The following CAPN15 variants were observed in gnomAD, a reference collection of about 807,000 sequenced individuals.
CAPN15 encodes the protein calpain-15.
A neutral mutation model predicts 97.9 loss-of-function variants in CAPN15; 53 were observed. The ratio of observed to expected loss-of-function variants is 0.54; its 90% confidence interval spans 0.43 to 0.68. The LOEUF (loss-of-function observed/expected upper bound fraction) is 0.68. CAPN15 is among the 30% of genes least tolerant of loss of function. CAPN15 has a pLI of 0.00. For synonymous variants in CAPN15, 922 were observed against 722.5 expected (o/e 1.28, Z -4.43); for missense variants, 1,592 against 1,589.8 (o/e 1.00, Z -0.02).
At chr16:528,462 G>A (rs1437371959) in intron 1 of CAPN15, among the ~76,000 whole-genome samples, 1 of 152,228 alleles carries the variant, frequency 6.6e-6, no homozygotes, top group Non-Finnish European at 1.5e-5. Context: ...CTCACTTGGG[G>A]AACGGCCTGG....
intron 6 of CAPN15, 49 bp downstream of exon 6, chr16:549,520 C>T: frequency 1.3e-6 from 2 of 1,536,230 alleles, no homozygotes; most frequent in Non-Finnish European, 1.7e-6. Context: ...AGCCTCTGAC[C>T]CCAGCCCCGA....
At chr16:548,826 G>C (rs564138819) in intron 4 of CAPN15, among the ~76,000 whole-genome samples, 167 bp from the exon 5 acceptor site, 125 of 152,372 alleles carry the variant, frequency 8.2e-4, no homozygotes, top group Non-Finnish European at 7.1e-4. Context: ...AGGGCTGAGG[G>C]CTTCCTCGAC....
In CAPN15 at chr16:554,470, C is replaced by T. The variant is rs1045520974; in HGVS notation, c.*954C>T. On this transcript the variant is annotated 3_prime_UTR_variant, in exon 14 of 14. Transcript: ENST00000219611. ...AAACATTCCCACTCCCCTTTGGCCT[C>T]CCTGTACTCTGAGCTGTGAATATTT... is the stretch of plus-strand genomic sequence containing the variant. 2 of 454,538 alleles carry T rather than the reference C, an allele frequency of 4.4e-6. No individual in the cohort carries two copies. The highest frequency in any genetic ancestry group is 2.3e-5 in the Admixed American group (1 of 42,582). The allele number at this position is 454,538 out of a possible 1,614,324, so 28.2% of individuals were successfully genotyped here.
intron 1 of CAPN15, among the ~76,000 whole-genome samples, chr16:531,018 C>T (rs916841254): frequency 6.6e-5 from 10 of 152,254 alleles, no homozygotes; most frequent in Admixed American, 2.0e-4. Context: ...TTGCCATCCC[C>T]GCCTCCCTGG....
At chr16:540,216 C>A in intron 3 of CAPN15, 1 of 985,494 alleles carries the variant, frequency 1.0e-6, no homozygotes, top group African/African-American at 1.7e-5. Flanking sequence ...CCTCCCTGGC[C>A]GCAGAGACCG....
At position 549,337 on chromosome 16, in the gene CAPN15, C is replaced by A; in HGVS notation, c.1708C>A (p.Arg570=). Residue 570 remains arginine, a synonymous_variant, in exon 6 of 14, where the codon CGG becomes AGG. Transcript: ENST00000219611. ...GGCGGAGCGGCCGGACCTGGTGGAG[C>A]GGGTGATGGTCACGCGCAGCCTGTG... ...VLAERPDLVE[R]VMVTRSLCAE... is the part of the protein sequence containing the mutation. The A allele has an allele frequency of 6.3e-7, 1 of 1,594,696 alleles. No homozygotes were observed. Among genetic ancestry groups the A allele is most frequent in the Non-Finnish European group, 8.5e-7 (1 of 1,177,156 alleles).
intron 3 of CAPN15, among the ~76,000 whole-genome samples, chr16:542,995 G>T (rs577128228): frequency 7.3e-6 from 1 of 137,614 alleles, no homozygotes. Context: ...AGGTTGCAGT[G>T]AGCCAAGATT....
At position 554,275 on chromosome 16, in the gene CAPN15, C is replaced by T. The variant is rs1049022762; in HGVS notation, c.*759C>T. ...GAGGGACCCCAGCACATCGTGGGCA[C>T]GGGCAGGGCTCAGCCGCTCCCACCT... On this transcript the variant is annotated 3_prime_UTR_variant, in exon 14 of 14. Transcript: ENST00000219611. 49 of 340,872 alleles carry T rather than the reference C, an allele frequency of 1.4e-4. 1 individual carries two copies. The highest frequency in any genetic ancestry group is 1.1e-3 in the Middle Eastern group (1 of 928). The allele number at this position is 340,872 out of a possible 1,614,324, so 21.1% of individuals were successfully genotyped here.
chr16:553,826 G>A lies in CAPN15; in HGVS notation c.*310G>A, dbSNP rs2035276529. 3.4e-6 allele frequency: 1 copy of A among 297,914 alleles called. No homozygotes were observed. The highest frequency in any genetic ancestry group is 6.2e-6 in the Non-Finnish European group (1 of 160,146). The allele number at this position is 297,914 out of a possible 1,614,324, so 18.5% of individuals were successfully genotyped here. A position where few individuals can be genotyped will look rare whatever the true frequency, so the allele number is the denominator to read the frequency against. ...GGCCGAGGCCAGGCTGCCCCTCCCTGTGGGCTCAGGGTCTCCTGCGGGCTA... is the reference window on the plus strand; with the variant it reads ...GGCCGAGGCCAGGCTGCCCCTCCCTATGGGCTCAGGGTCTCCTGCGGGCTA... On this transcript the variant is annotated 3_prime_UTR_variant, in exon 14 of 14. Transcript: ENST00000219611.
chr16:530,539 G>A (rs1241526660), intron 1 of CAPN15, among the ~76,000 whole-genome samples: 3 of 152,184 alleles, frequency 2.0e-5, no homozygotes, highest in East Asian at 1.9e-4. Context: ...TGTGTGTCTC[G>A]CTGCAGGGAG....
In CAPN15 at chr16:551,497, C is replaced by T. The variant is rs960546985; in HGVS notation, c.2193-15C>T. 4 of 1,606,936 alleles carry T rather than the reference C, an allele frequency of 2.5e-6. No homozygotes were observed. Among genetic ancestry groups the T allele is most frequent in the Admixed American group, 1.7e-5 (1 of 59,850 alleles). On this transcript the variant is annotated splice_polypyrimidine_tract_variant and intron_variant, in intron 8 of 13. Coordinates refer to ENST00000219611, the MANE Select transcript of CAPN15 (RefSeq NM_005632.3). Reference sequence around the variant, plus strand: ...CGGGCAGTGTGGTTCAGATCCTCACCCCTGTGGTCTGCAGGCTTCTGCGGC... The same window carrying T: ...CGGGCAGTGTGGTTCAGATCCTCACTCCTGTGGTCTGCAGGCTTCTGCGGC...
At position 551,920 on chromosome 16, in the gene CAPN15, C is replaced by T. The variant is rs760738740; in HGVS notation, c.2346-131C>T. ...GCCTCAGGGATGGGCCCCCGGGGGCCGGGCTGCAAGAGGACGGTGACGGAG... is the reference window on the plus strand; with the variant it reads ...GCCTCAGGGATGGGCCCCCGGGGGCTGGGCTGCAAGAGGACGGTGACGGAG... On this transcript the variant is annotated intron_variant, in intron 9 of 13. Transcript: ENST00000219611. 1.7e-4 allele frequency: 191 copies of T among 1,120,802 alleles called. 3 individuals carry two copies. Among genetic ancestry groups the T allele is most frequent in the Middle Eastern group, 8.8e-4 (4 of 4,560 alleles). 69.4% of individuals were successfully genotyped at this position (1,120,802 alleles called of 1,614,324 possible).
rs746397541 is a variant in CAPN15 at position 551,425 on chromosome 16, C to A, written c.2190C>A (p.Thr730=). 5 of 1,605,550 alleles carry A rather than the reference C, an allele frequency of 3.1e-6. No homozygotes were observed. The highest frequency in any genetic ancestry group is 4.3e-6 in the Non-Finnish European group (5 of 1,174,678). ...TGGATGTCCGAGATGTCCAGGGCACCAGGTAGGGCCGGCCTGGCTGAGGGT... is the reference window on the plus strand; with the variant it reads ...TGGATGTCCGAGATGTCCAGGGCACAAGGTAGGGCCGGCCTGGCTGAGGGT... ...SILDVRDVQG[T]RLLRLRNPWG... is the part of the protein sequence containing the mutation. Residue 730 remains threonine (T), a splice_region_variant and synonymous_variant, in exon 8 of 14, where the codon ACC becomes ACA. Transcript: ENST00000219611.
chr16:552,276 C>T lies in CAPN15; in HGVS notation c.2508-25C>T. On this transcript the variant is annotated intron_variant, in intron 10 of 13. Transcript: ENST00000219611. This position sits in a 1 kb window ranked among gnomAD's most constrained non-coding sequence, Gnocchi z 6.4. ...GGCTGGCGGCCGTGACCACGCGTGACCCTGGCCCGTGGTGTCTGGCGCAGG... is the reference window on the plus strand; with the variant it reads ...GGCTGGCGGCCGTGACCACGCGTGATCCTGGCCCGTGGTGTCTGGCGCAGG... 1 of 1,540,866 alleles carries T rather than the reference C, an allele frequency of 6.5e-7. No individual in the cohort carries two copies. Among genetic ancestry groups the T allele is most frequent in the South Asian group, 1.2e-5 (1 of 84,268 alleles).
intron 3 of CAPN15, among the ~76,000 whole-genome samples, chr16:544,729 A>C (rs1453168153): frequency 9.5e-4 from 3 of 3,160 alleles, no homozygotes; most frequent in Admixed American, 3.8e-3. Flanking sequence ...CGCCTCCCCC[A>C]CGTCGCCTCC....
At chr16:540,111 C>T in intron 3 of CAPN15, 2 of 985,492 alleles carry the variant, frequency 2.0e-6, no homozygotes, top group Non-Finnish European at 1.2e-6. Flanking sequence ...CCTGTCTCTT[C>T]CCTCCATGCT....
In CAPN15 at chr16:549,170, G is replaced by A; in HGVS notation, c.1627G>A (p.Asp543Asn). 6.3e-7 allele frequency: 1 copy of A among 1,598,002 alleles called. No homozygotes were observed. The highest frequency in any genetic ancestry group is 2.3e-5 in the East Asian group (1 of 44,300). Reference sequence around the variant, plus strand: ...TGTGTTCCACACACTGCGGCCCTCAGACATCCTGCAGGGGCTGCTGGGGAA... The same window carrying A: ...TGTGTTCCACACACTGCGGCCCTCAAACATCCTGCAGGGGCTGCTGGGGAA... ...WSVFHTLRPS[D>N]ILQGLLGNCW... The change falls in exon 5 of 14, where the codon GAC becomes AAC. Residue 543 changes from aspartate (D) to asparagine (N), a missense_variant. Physicochemically the swap from Asp to Asn is conservative, Grantham distance 23 (BLOSUM62 1). Coordinates refer to ENST00000219611, the MANE Select transcript of CAPN15 (RefSeq NM_005632.3).
At position 547,195 on chromosome 16, in the gene CAPN15, CA is replaced by C. The variant is rs1274874070; in HGVS notation, c.358del (p.Arg120GlyfsTer167). ...TAGLVATEPA[R>X]GQCEDKDEEE... ...CGGGGCTGGTGGCCACGGAGCCCGC[CA>C]GGGGGCAGTGCGAGGACAAGGACGA... On this transcript the variant is annotated frameshift_variant, in exon 4 of 14. Coordinates refer to ENST00000219611, the MANE Select transcript of CAPN15 (RefSeq NM_005632.3). LOFTEE classifies it high-confidence loss of function. 2.6e-6 allele frequency: 4 copies of C among 1,532,960 alleles called. No homozygotes were observed. The highest frequency in any genetic ancestry group is 3.5e-6 in the Non-Finnish European group (4 of 1,145,050). 95.0% of individuals were successfully genotyped at this position (1,532,960 alleles called of 1,614,324 possible).
At chr16:545,849 G>A (rs559188961) in intron 3 of CAPN15, among the ~76,000 whole-genome samples, 6 of 152,362 alleles carry the variant, frequency 3.9e-5, no homozygotes, top group South Asian at 2.1e-4. Context: ...GGCCCAGGCC[G>A]GACGCCTGGG....
Sources: gnomAD v4.1 joint callset for allele counts (sites outside exome capture counted in the v4.1 genomes callset) on GRCh38, gnomAD v4.1.1 for gene constraint, Gnocchi (gnomAD v3.1) non-coding constraint, MANE v1.5 for transcripts, NCBI Gene and HGNC (gene_info 2026-07-23, HGNC 2026-07-21) for gene names.